The following SNPH variants were observed in gnomAD, a reference collection of about 807,000 sequenced individuals.
SNPH encodes syntaphilin.
In SNPH, 10 loss-of-function variants were observed where a neutral mutation model predicts 36.8. The ratio of observed to expected loss-of-function variants is 0.27; its 90% confidence interval spans 0.17 to 0.46. The LOEUF (loss-of-function observed/expected upper bound fraction) is 0.46, where lower values mean the gene tolerates loss of function less well. SNPH is among the 20% of genes least tolerant of loss of function. The pLI is 1.00. For missense variants in SNPH, 622 were observed against 744.0 expected (o/e 0.84, Z 1.91); for synonymous variants, 281 against 312.2 (o/e 0.90, Z 1.05).
At position 1,307,457 on chromosome 20, in the gene SNPH, C is replaced by G. The variant is rs1400925243; in HGVS notation, c.*1403C>G. The G allele has an allele frequency of 6.6e-6, 1 of 152,290 alleles. No individual in the cohort carries two copies. The highest frequency in any genetic ancestry group is 1.5e-5 in the Non-Finnish European group (1 of 68,086). 9.4% of individuals were successfully genotyped at this position (152,290 alleles called of 1,614,324 possible). ...ATTATTTTACCAAGTAAACTCACTC[C>G]TTTTCCCCCACAGGGGTTACACCCA... On this transcript the variant is annotated 3_prime_UTR_variant, in exon 7 of 7. Transcript: ENST00000381867.
chr20:1,299,607 G>A (rs776590864), intron 5 of SNPH, among the ~76,000 whole-genome samples: 5 of 152,194 alleles, frequency 3.3e-5, no homozygotes, highest in South Asian at 2.1e-4. Context: ...TGTCAGTGCC[G>A]CCCTGTGCTG....
At chr20:1,277,491 ATCTGTATGTGTGTCCGTG>A (rs2088147172) in intron 2 of SNPH, among the ~76,000 whole-genome samples, 1 of 98,370 alleles carries the variant, frequency 1.0e-5, no homozygotes, top group African/African-American at 4.0e-5. Context: ...GTGCCTGTGT[ATCTGTATGTGTGTCCGTG>A]TGTGTGCCTG....
rs150294819 is a variant in SNPH at position 1,274,880 on chromosome 20, C to T, written c.-493+8120C>T. Among the ~76,000 whole-genome samples the T allele has an allele frequency of 2.6e-4, 40 of 152,312 alleles. No individual in the cohort carries two copies. The East Asian group carries it at 7.3e-3, about 28-fold the overall frequency. ...AGGCAGCCAGTTTGGCACCACCTCC[C>T]CCGTCTTGCTTCCCACACATCCCCT... On this transcript the variant is annotated intron_variant, in intron 2 of 6. Transcript: ENST00000381867.
intron 2 of SNPH, among the ~76,000 whole-genome samples, chr20:1,270,307 G>A (rs1439456606): frequency 1.3e-5 from 2 of 151,862 alleles, no homozygotes; most frequent in African/African-American, 2.4e-5. Flanking sequence ...ACACCTAAAC[G>A]TGTAGATATG....
chr20:1,289,106 G>C (rs1268666593), intron 2 of SNPH, among the ~76,000 whole-genome samples: 1 of 152,114 alleles, frequency 6.6e-6, no homozygotes, highest in African/African-American at 2.4e-5. Context: ...AAGTGTCCCA[G>C]GTCTACTGTA....
intron 2 of SNPH, among the ~76,000 whole-genome samples, chr20:1,289,548 C>G (rs1368981060): frequency 4.1e-5 from 5 of 122,862 alleles, no homozygotes; most frequent in African/African-American, 1.5e-4. Flanking sequence ...CACACACACA[C>G]ACACACACAA....
rs2088403000 is a variant in SNPH at position 1,294,453 on chromosome 20, A to G, written c.-492-498A>G. ...CTTACCCCCAAATCGCCCCTCCTCCATGGTTCCTGCTCTAGGGGCCAGCCC... is the reference window on the plus strand; with the variant it reads ...CTTACCCCCAAATCGCCCCTCCTCCGTGGTTCCTGCTCTAGGGGCCAGCCC... On this transcript the variant is annotated intron_variant, in intron 2 of 6. Transcript: ENST00000381867. The surrounding 1 kb of genome is among the most constrained non-coding windows in gnomAD (Gnocchi z 4.4). Among the ~76,000 whole-genome samples, 2 of 152,146 alleles carry G rather than the reference A, an allele frequency of 1.3e-5. No individual in the cohort carries two copies. The highest frequency in any genetic ancestry group is 2.1e-4 in the South Asian group (1 of 4,836).
chr20:1,270,210 A>C, intron 2 of SNPH, among the ~76,000 whole-genome samples: 1 of 152,220 alleles, frequency 6.6e-6, no homozygotes, highest in East Asian at 1.9e-4. Flanking sequence ...TTTATTAGCT[A>C]GGCCCTGGGC....
chr20:1,281,868 G>A (rs879541411), intron 2 of SNPH, among the ~76,000 whole-genome samples: 2 of 152,258 alleles, frequency 1.3e-5, no homozygotes, highest in Middle Eastern at 3.2e-3. Context: ...TAATTAGAAG[G>A]GGGAGTAGCT....
rs773043905 is a variant in SNPH, at chr20:1,296,244, C to A, written c.5C>A (p.Pro2Gln). 2.6e-6 allele frequency: 4 copies of A among 1,520,642 alleles called. No homozygotes were observed. The highest frequency in any genetic ancestry group is 2.3e-5 in the Admixed American group (1 of 44,280). The allele number at this position is 1,520,642 out of a possible 1,614,324, so 94.2% of individuals were successfully genotyped here. M[P>Q]GSGPSERMTW... Reference sequence around the variant, plus strand: ...CGAAGGGTGAGAAGAGAAGCCATGCCGGGCAGCGGCCCCAGCGAGAGGATG... The same window carrying A: ...CGAAGGGTGAGAAGAGAAGCCATGCAGGGCAGCGGCCCCAGCGAGAGGATG... The change falls in exon 4 of 7, where the codon CCG becomes CAG. Residue 2 changes from proline (P) to glutamine (Q), a missense_variant. Transcript: ENST00000381867.
Position 1,266,714 on chromosome 20 carries a change from C to CT in SNPH, c.-539_-538insT. On this transcript the variant is annotated 5_prime_UTR_variant, in exon 2 of 7. Transcript: ENST00000381867. The surrounding 1 kb of genome is among the most constrained non-coding windows in gnomAD (Gnocchi z 6.0). ...TGCAGAGGCGCTGCGCCAAGCCGGG[C>CT]CGGAGTGGTGCGAGCCGGCGGGGCT... 1 of 1,422,310 alleles carries CT rather than the reference C, an allele frequency of 7.0e-7. No individual in the cohort carries two copies. The highest frequency in any genetic ancestry group is 9.1e-7 in the Non-Finnish European group (1 of 1,094,182). 88.1% of individuals were successfully genotyped at this position (1,422,310 alleles called of 1,614,324 possible). A position where few individuals can be genotyped will look rare whatever the true frequency, so the allele number is the denominator to read the frequency against.
At position 1,266,898 on chromosome 20, in the gene SNPH, C is replaced by T. The variant is rs2088012936; in HGVS notation, c.-493+138C>T. On this transcript the variant is annotated intron_variant, in intron 2 of 6. Transcript: ENST00000381867. The surrounding 1 kb of genome is among the most constrained non-coding windows in gnomAD (Gnocchi z 6.0). The stretch of plus-strand genomic sequence containing the variant: ...GGGGTTAATCGTGACTCATTCTTAC[C>T]CTCCCTTCATTCCCCTACATCCCTT... 4 of 1,185,894 alleles carry T rather than the reference C, an allele frequency of 3.4e-6. No homozygotes were observed. The highest frequency in any genetic ancestry group is 2.1e-6 in the Non-Finnish European group (2 of 940,022). The allele number at this position is 1,185,894 out of a possible 1,614,324, so 73.5% of individuals were successfully genotyped here.
rs776704297 is a variant in SNPH at position 1,305,420 on chromosome 20, G to T, written c.983G>T (p.Gly328Val). 3 of 1,612,986 alleles carry T rather than the reference G, an allele frequency of 1.9e-6. No homozygotes were observed. The highest frequency in any genetic ancestry group is 1.1e-5 in the South Asian group (1 of 91,092). Residue 328 changes from glycine to valine, a missense_variant, in exon 7 of 7, where the codon GGC (glycine) becomes GTC (valine). By Grantham distance (109) the Gly-to-Val change is moderately radical (BLOSUM62 -3). Transcript: ENST00000381867. ...ETSLHSSFGL[G>V]PRFPASNTYE... Reference sequence around the variant, plus strand: ...TCGCTGCACAGCTCCTTCGGCCTGGGCCCCCGCTTCCCTGCCAGCAACACC... The same window carrying T: ...TCGCTGCACAGCTCCTTCGGCCTGGTCCCCCGCTTCCCTGCCAGCAACACC...
At chr20:1,289,849 T>A (rs989319359) in intron 2 of SNPH, among the ~76,000 whole-genome samples, 9 of 151,870 alleles carry the variant, frequency 5.9e-5, no homozygotes, top group Non-Finnish European at 1.2e-4. Context: ...ATTAAATATA[T>A]ATCACATGTA....
chr20:1,301,164 C>T (rs1262085730), intron 6 of SNPH, among the ~76,000 whole-genome samples: 1 of 152,162 alleles, frequency 6.6e-6, no homozygotes, highest in Non-Finnish European at 1.5e-5. Context: ...TGGCCAACCT[C>T]GACTTCAGGC....
rs1048697986 is a variant in SNPH at position 1,285,819 on chromosome 20, G to A, written c.-492-9132G>A. On this transcript the variant is annotated intron_variant, in intron 2 of 6. Coordinates refer to ENST00000381867, the MANE Select transcript of SNPH (RefSeq NM_001318234.2). The surrounding 1 kb of genome is among the most constrained non-coding windows in gnomAD (Gnocchi z 4.9). ...GTTCTGAGATAGATAAAGGGTGGCC[G>A]GGTGCAGTGGCTCATGCCTGTAATC... 2.0e-5 allele frequency among the ~76,000 whole-genome samples: 3 copies of A among 152,208 alleles called. No homozygotes were observed. Among genetic ancestry groups the A allele is most frequent in the South Asian group, 2.1e-4 (1 of 4,828 alleles).
chr20:1,293,977 C>T (rs1478925641), intron 2 of SNPH, among the ~76,000 whole-genome samples: 1 of 152,216 alleles, frequency 6.6e-6, no homozygotes, highest in Non-Finnish European at 1.5e-5. Context: ...CTCCTTAGAA[C>T]ACTCACTCAC....
chr20:1,305,775 C>T lies in SNPH; in HGVS notation c.1338C>T (p.Cys446=). The change falls in exon 7 of 7, where the codon TGC becomes TGT. Residue 446 remains cysteine (C), a synonymous_variant. Coordinates refer to ENST00000381867, the MANE Select transcript of SNPH (RefSeq NM_001318234.2). The part of the protein sequence containing the change: ...PNPGQSVSVV[C]PMEEEEEAAV... ...CTGGCCAGTCGGTGAGCGTGGTGTGCCCCATGGAAGAGGAGGAGGAGGCTG... is the reference window on the plus strand; with the variant it reads ...CTGGCCAGTCGGTGAGCGTGGTGTGTCCCATGGAAGAGGAGGAGGAGGCTG... The T allele has an allele frequency of 6.2e-7, 1 of 1,609,144 alleles. No individual in the cohort carries two copies. The highest frequency in any genetic ancestry group is 8.5e-7 in the Non-Finnish European group (1 of 1,178,302).
chr20:1,266,544 A>G lies in SNPH; in HGVS notation c.-599-110A>G. 7.3e-7 allele frequency: 1 copy of G among 1,361,990 alleles called. No homozygotes were observed. The highest frequency in any genetic ancestry group is 4.1e-5 in the Admixed American group (1 of 24,414). The allele number at this position is 1,361,990 out of a possible 1,614,324, so 84.4% of individuals were successfully genotyped here. On this transcript the variant is annotated intron_variant, in intron 1 of 6. Coordinates refer to ENST00000381867, the MANE Select transcript of SNPH (RefSeq NM_001318234.2). This position sits in a 1 kb window ranked among gnomAD's most constrained non-coding sequence, Gnocchi z 6.0. ...CACCCGGCAGGCAGCCTGCCCTCCAAGCCTTCTGGCTGCAGCGGCCCAGCT... is the reference window on the plus strand; with the variant it reads ...CACCCGGCAGGCAGCCTGCCCTCCAGGCCTTCTGGCTGCAGCGGCCCAGCT...
Sources: gnomAD v4.1 joint callset for allele counts (sites outside exome capture counted in the v4.1 genomes callset) on GRCh38, gnomAD v4.1.1 for gene constraint, Gnocchi (gnomAD v3.1) non-coding constraint, MANE v1.5 for transcripts, NCBI Gene and HGNC (gene_info 2026-07-23, HGNC 2026-07-21) for gene names.